ZZEF1: variants seen among roughly 807,000 people sequenced by gnomAD.
ZZEF1 encodes zinc finger ZZ-type and EF-hand domain-containing protein 1.
A neutral mutation model predicts 342.8 loss-of-function variants in ZZEF1; 157 were observed. The observed-to-expected ratio is 0.46, with a 90% CI of 0.40 to 0.52. ZZEF1 has a LOEUF of 0.52. ZZEF1 is among the 20% of genes least tolerant of loss of function. The pLI, the probability that ZZEF1 is intolerant of heterozygous loss-of-function variation, is 0.00. For missense variants in ZZEF1, 3,480 were observed against 3,725.6 expected, an observed-to-expected ratio of 0.93 and a Z score of 1.72; for synonymous variants, 1,505 against 1,429.1, an observed-to-expected ratio of 1.05 and a Z score of -1.20.
intron 5 of ZZEF1, among the ~76,000 whole-genome samples, chr17:4,110,238 A>G (rs1321471265): frequency 1.3e-5 from 2 of 152,232 alleles, no homozygotes; most frequent in Non-Finnish European, 2.9e-5. Flanking sequence ...ATTAAGTTAT[A>G]GAACAGTGGC....
At chr17:4,038,198 C>T (rs1043421157) in intron 39 of ZZEF1, among the ~76,000 whole-genome samples, 3 of 152,042 alleles carry the variant, frequency 2.0e-5, no homozygotes, top group African/African-American at 4.8e-5. Context: ...CATGTGCTGC[C>T]GTGGGAGTGT....
Position 4,104,800 on chromosome 17 carries a change from G to A in ZZEF1, c.1406C>T (p.Thr469Ile), listed in dbSNP as rs1196587350. 2.5e-6 allele frequency: 4 copies of A among 1,612,978 alleles called. No individual in the cohort carries two copies. Among genetic ancestry groups the A allele is most frequent in the African/African-American group, 1.3e-5 (1 of 74,964 alleles). ...FLIRITSCCS[T>I]PEVELTLLAF... ...CAGAAGAGTCAGTTCTACCTCTGGGGTAGAACAGCAGCTATAAGCAAAGAG... is the reference window on the plus strand; with the variant it reads ...CAGAAGAGTCAGTTCTACCTCTGGGATAGAACAGCAGCTATAAGCAAAGAG... The change falls in exon 8 of 55, where the codon ACC becomes ATC. Residue 469 changes from threonine (T) to isoleucine (I), a missense_variant. By Grantham distance (89) the Thr-to-Ile change is moderately conservative. Transcript: ENST00000381638.
chr17:4,097,906 C>T (rs1233362254), intron 9 of ZZEF1, among the ~76,000 whole-genome samples: 1 of 123,144 alleles, frequency 8.1e-6, no homozygotes, highest in Non-Finnish European at 1.6e-5. Flanking sequence ...CTGGGCAGCA[C>T]AGTGAGACCC....
At chr17:4,107,880 G>C (rs1412837298) in intron 6 of ZZEF1, among the ~76,000 whole-genome samples, 2 of 152,148 alleles carry the variant, frequency 1.3e-5, no homozygotes. Flanking sequence ...CTAATGCAGG[G>C]AACATTCAAG....
intron 37 of ZZEF1, among the ~76,000 whole-genome samples, chr17:4,045,295 A>G (rs1004816819): frequency 6.6e-6 from 1 of 152,178 alleles, no homozygotes; most frequent in Non-Finnish European, 1.5e-5. Context: ...CCAAGCATGG[A>G]AAGTTGTTCC....
At chr17:4,089,408 A>G (rs961388454) in intron 12 of ZZEF1, among the ~76,000 whole-genome samples, 30 of 152,216 alleles carry the variant, frequency 2.0e-4, no homozygotes, top group Non-Finnish European at 1.0e-4. Flanking sequence ...TTCAGAATAC[A>G]CTACTCAACT....
intron 14 of ZZEF1, 52 bp from the exon 15 acceptor site, chr17:4,086,707 C>G (rs1160260579): frequency 2.5e-6 from 4 of 1,596,212 alleles, no homozygotes; most frequent in African/African-American, 1.3e-5. Context: ...TGCATTTACT[C>G]TCCAAAGCCA....
chr17:4,137,466 G>C (rs866365437), intron 1 of ZZEF1, among the ~76,000 whole-genome samples: 29 of 152,302 alleles, frequency 1.9e-4, no homozygotes, highest in Admixed American at 3.9e-4. Context: ...CAAAAAATTA[G>C]CCGGGCGTGG....
intron 3 of ZZEF1, among the ~76,000 whole-genome samples, chr17:4,114,810 G>A (rs141813445): frequency 1.4e-4 from 21 of 152,264 alleles, no homozygotes; most frequent in Admixed American, 3.9e-4. Flanking sequence ...AAACCATGCC[G>A]AGAAGAAAAT....
At position 4,014,761 on chromosome 17, in the gene ZZEF1, A is replaced by C. The variant is rs951770144; in HGVS notation, c.8146-246T>G. On this transcript the variant is annotated intron_variant, in intron 49 of 54. Coordinates refer to ENST00000381638, the MANE Select transcript of ZZEF1 (RefSeq NM_015113.4). This position sits in a 1 kb window ranked among gnomAD's most constrained non-coding sequence, Gnocchi z 4.4. ...GAGAAAGAGTGTCAGGCTGCTGTGA[A>C]GAGTGAAGAGGACAGGAGGACCCTG... Among the ~76,000 whole-genome samples the C allele has an allele frequency of 2.6e-5, 4 of 152,066 alleles. No individual in the cohort carries two copies. Among genetic ancestry groups the C allele is most frequent in the Admixed American group, 6.6e-5 (1 of 15,266 alleles).
intron 11 of ZZEF1, among the ~76,000 whole-genome samples, chr17:4,093,755 A>G (rs2057986817): frequency 6.6e-6 from 1 of 152,124 alleles, no homozygotes; most frequent in Non-Finnish European, 1.5e-5. Context: ...TCCACTACCC[A>G]TGAAATAATG....
At position 4,008,907 on chromosome 17, in the gene ZZEF1, G is replaced by C; in HGVS notation, c.8781C>G (p.Asp2927Glu). 6.5e-7 allele frequency: 1 copy of C among 1,546,138 alleles called. No individual in the cohort carries two copies. The highest frequency in any genetic ancestry group is 8.7e-7 in the Non-Finnish European group (1 of 1,148,502). The change falls in exon 54 of 55, where the codon GAC becomes GAG. Residue 2927 changes from aspartate (D) to glutamate (E), a missense_variant. Asp to Glu is a conservative substitution (Grantham distance 45). Coordinates refer to ENST00000381638, the MANE Select transcript of ZZEF1 (RefSeq NM_015113.4). This position sits in a 1 kb window ranked among gnomAD's most constrained non-coding sequence, Gnocchi z 4.2. ...QDYLLALTTD[D>E]HLLRCAAQAL... is the part of the protein sequence containing the mutation. ...CCTGTGCCGCACAGCGGAGAAGGTG[G>C]TCGTCCGTGGTTAGGGCCAGCAGGT...
intron 26 of ZZEF1, 27 bp downstream of exon 26, chr17:4,070,657 C>A (rs1567813461): frequency 5.6e-6 from 9 of 1,601,534 alleles, no homozygotes; most frequent in East Asian, 2.2e-5. Flanking sequence ...GCCTTCAGAT[C>A]AAAAATATTC....
rs1449703317 is a variant in ZZEF1 at position 4,024,963 on chromosome 17, A to G, written c.7048T>C (p.Trp2350Arg). Reference sequence around the variant, plus strand: ...CCTTTCAGGGCCAGGGACAGGACCCAAGTTGCTTCTACTGCCTCGGGACAA... The same window carrying G: ...CCTTTCAGGGCCAGGGACAGGACCCGAGTTGCTTCTACTGCCTCGGGACAA... Reference protein sequence around the residue: ...SHCPEAVEATWVLSLALKGLY... With the variant: ...SHCPEAVEATRVLSLALKGLY... The change falls in exon 43 of 55, where the codon TGG (tryptophan) becomes CGG (arginine). Residue 2350 changes from tryptophan (W) to arginine (R), a missense_variant. Physicochemically the swap from Trp to Arg is moderately radical, Grantham distance 101. Transcript: ENST00000381638. 3 of 1,614,176 alleles carry G rather than the reference A, an allele frequency of 1.9e-6. No homozygotes were observed. The South Asian group carries it at 3.3e-5, about 18-fold the overall frequency.
chr17:4,034,191 G>A lies in ZZEF1; in HGVS notation c.6408C>T (p.Thr2136=). The A allele has an allele frequency of 6.2e-7, 1 of 1,614,162 alleles. No individual in the cohort carries two copies. Among genetic ancestry groups the A allele is most frequent in the Non-Finnish European group, 8.5e-7 (1 of 1,180,028 alleles). ...AGHLNETYHL[T]LGLLGQLIIR... is the part of the protein sequence containing the mutation. ...TAATTAACTGGCCGAGAAGACCCAGGGTGAGATGGTAGGTTTCATTCAGGT... is the reference window on the plus strand; with the variant it reads ...TAATTAACTGGCCGAGAAGACCCAGAGTGAGATGGTAGGTTTCATTCAGGT... The change falls in exon 40 of 55, where the codon ACC becomes ACT. Residue 2136 remains threonine (T), a synonymous_variant. Transcript: ENST00000381638.
Position 4,096,713 on chromosome 17 carries a change from A to G in ZZEF1, c.1673-13T>C, listed in dbSNP as rs200424327. ...TCCGTAAGAAAACCTGAAAAAAGGG[A>G]AAACTCAAGTTAGGGAACTAACCCA... is the stretch of plus-strand genomic sequence containing the variant. On this transcript the variant is annotated splice_polypyrimidine_tract_variant and intron_variant, in intron 9 of 54. Coordinates refer to ENST00000381638, the MANE Select transcript of ZZEF1 (RefSeq NM_015113.4). 3.7e-6 allele frequency: 6 copies of G among 1,612,364 alleles called. No homozygotes were observed. In the East Asian group the frequency reaches 1.3e-4, roughly 36 times the overall value.
chr17:4,096,728 G>A lies in ZZEF1; in HGVS notation c.1673-28C>T, dbSNP rs762362236. 4 of 1,578,926 alleles carry A rather than the reference G, an allele frequency of 2.5e-6. No homozygotes were observed. The African/African-American group carries it at 4.0e-5, about 16-fold the overall frequency. ...GAAAAAAGGGAAAACTCAAGTTAGG[G>A]AACTAACCCATTTTTATAGCCCTAA... On this transcript the variant is annotated intron_variant, in intron 9 of 54. Transcript: ENST00000381638.
At position 4,044,382 on chromosome 17, in the gene ZZEF1, A is replaced by T. The variant is rs757824318; in HGVS notation, c.6016-8T>A. 1 of 1,602,120 alleles carries T rather than the reference A, an allele frequency of 6.2e-7. No homozygotes were observed. Among genetic ancestry groups the T allele is most frequent in the Non-Finnish European group, 8.5e-7 (1 of 1,176,278 alleles). ...ATGAACAGCTCTCTTTCCCTAAAAA[A>T]ACAAAAGTGTAAAAGAATTAAGGTT... On this transcript the variant is annotated splice_region_variant and splice_polypyrimidine_tract_variant and intron_variant, in intron 37 of 54. Coordinates refer to ENST00000381638, the MANE Select transcript of ZZEF1 (RefSeq NM_015113.4).
chr17:4,106,920 C>G (rs1462646797), intron 6 of ZZEF1, among the ~76,000 whole-genome samples: 1 of 152,120 alleles, frequency 6.6e-6, no homozygotes, highest in African/African-American at 2.4e-5. Context: ...AAAATAGAGA[C>G]AATAAAGCAA....
Sources: allele counts gnomAD v4.1 joint callset (sites outside exome capture counted in the v4.1 genomes callset), GRCh38; gene constraint gnomAD v4.1.1; non-coding constraint Gnocchi (gnomAD v3.1); transcripts MANE v1.5; gene names NCBI Gene and HGNC (gene_info 2026-07-23, HGNC 2026-07-21).